Variants in ADGRE5 observed in about 807,000 individuals in gnomAD.
ADGRE5 encodes adhesion G protein-coupled receptor E5.
In ADGRE5, 72 loss-of-function variants were observed where a neutral mutation model predicts 100.3. That is an observed-to-expected ratio of 0.72 (90% confidence interval 0.59 to 0.87). ADGRE5 has a LOEUF of 0.87. Ranked by LOEUF, ADGRE5 falls within the 40% of genes least tolerant of loss-of-function variation. ADGRE5 has a pLI of 0.00. For synonymous variants in ADGRE5, 439 were observed against 447.8 expected (o/e 0.98, Z 0.25); for missense variants, 959 against 1,094.7 (o/e 0.88, Z 1.75).
chr19:14,407,229 G>C lies in ADGRE5; in HGVS notation c.2376G>C (p.Lys792Asn). The C allele has an allele frequency of 1.2e-6, 2 of 1,613,982 alleles. No individual in the cohort carries two copies. The highest frequency in any genetic ancestry group is 1.7e-6 in the Non-Finnish European group (2 of 1,179,984). ...TGCTGCACTGCCTGCTCAACAAGAA[G>C]GTGGGGGCCTGGGCACAGTGGCGCA... ...LYLLHCLLNKKVREEYRKWAC... is the reference protein window; with the variant it reads ...LYLLHCLLNKNVREEYRKWAC... The change falls in exon 18 of 20, where the codon AAG becomes AAC. Residue 792 changes from lysine (K) to asparagine (N), a missense_variant and splice_region_variant. Lys to Asn is a moderately conservative substitution (Grantham distance 94, BLOSUM62 0). Coordinates refer to ENST00000242786, the MANE Select transcript of ADGRE5 (RefSeq NM_078481.4).
chr19:14,407,296 G>T, intron 18 of ADGRE5, 67 bp downstream of exon 18: 2 of 1,571,620 alleles, frequency 1.3e-6, no homozygotes, highest in South Asian at 2.2e-5. Flanking sequence ...TGAGGTGGGA[G>T]GATTGCTTGA....
Position 14,406,860 on chromosome 19 carries a change from C to T in ADGRE5, c.2116-9C>T. ...TCGCCCTCTAACCCACAATCTGCTC[C>T]CTGCCCAGTGCAATGCTGTCATTTT... On this transcript the variant is annotated splice_polypyrimidine_tract_variant and intron_variant, in intron 16 of 19. Coordinates refer to ENST00000242786, the MANE Select transcript of ADGRE5 (RefSeq NM_078481.4). This position sits in a 1 kb window ranked among gnomAD's most constrained non-coding sequence, Gnocchi z 6.0. 6.2e-7 allele frequency: 1 copy of T among 1,613,904 alleles called. No individual in the cohort carries two copies. Among genetic ancestry groups the T allele is most frequent in the Non-Finnish European group, 8.5e-7 (1 of 1,179,742 alleles).
Position 14,407,046 on chromosome 19 carries a change from C to T in ADGRE5, c.2208-15C>T, listed in dbSNP as rs1280318773. The T allele has an allele frequency of 6.2e-6, 10 of 1,613,900 alleles. No individual in the cohort carries two copies. The highest frequency in any genetic ancestry group is 1.7e-5 in the Admixed American group (1 of 60,024). On this transcript the variant is annotated splice_polypyrimidine_tract_variant and intron_variant, in intron 17 of 19. Transcript: ENST00000242786. ...GGTGAGGTGGGGGCCCACGCTGCAA[C>T]CCCGCTCCTCGCAGGGCGCTGACCA... is the stretch of plus-strand genomic sequence containing the variant.
In ADGRE5 at chr19:14,402,445, AAAC is replaced by A. The variant is rs549378380; in HGVS notation, c.1184-149_1184-147del. 330 of 789,920 alleles carry A rather than the reference AAAC, an allele frequency of 4.2e-4. 1 individual carries two copies. The African/African-American group carries it at 5.2e-3, about 12-fold the overall frequency. 48.9% of individuals were successfully genotyped at this position (789,920 alleles called of 1,614,324 possible). A position where few individuals can be genotyped will look rare whatever the true frequency, so the allele number is the denominator to read the frequency against. On this transcript the variant is annotated intron_variant, in intron 11 of 19. Coordinates refer to ENST00000242786, the MANE Select transcript of ADGRE5 (RefSeq NM_078481.4). ...GCGAAACTCCGTCTCAAAAAAAAAA[AAAC>A]AAGGAACAACTAGAAACTGACTCAT... is the stretch of plus-strand genomic sequence containing the variant.
At chr19:14,407,302 C>T in intron 18 of ADGRE5, 73 bp downstream of exon 18, 1 of 1,553,402 alleles carries the variant, frequency 6.4e-7, no homozygotes, top group Non-Finnish European at 8.8e-7. Flanking sequence ...GGGAGGATTG[C>T]TTGAGCCCAG....
In ADGRE5 at chr19:14,406,569, G is replaced by A; in HGVS notation, c.2048+12G>A. The A allele has an allele frequency of 1.2e-6, 2 of 1,603,560 alleles. No individual in the cohort carries two copies. Among genetic ancestry groups the A allele is most frequent in the Non-Finnish European group, 1.7e-6 (2 of 1,175,018 alleles). ...GGCCGCCCCAGATAGTGAGTGCAGC[G>A]AGATGGGGCAGGAGGAAGGCGGGGT... On this transcript the variant is annotated intron_variant, in intron 15 of 19. Transcript: ENST00000242786. This position sits in a 1 kb window ranked among gnomAD's most constrained non-coding sequence, Gnocchi z 6.0.
intron 5 of ADGRE5, among the ~76,000 whole-genome samples, chr19:14,396,867 A>C (rs934443754): frequency 1.3e-5 from 2 of 152,118 alleles, no homozygotes; most frequent in Admixed American, 6.5e-5. Context: ...ACCTCCTATA[A>C]ACTGGGGACC....
Position 14,397,895 on chromosome 19 carries a change from C to G in ADGRE5, c.779C>G (p.Thr260Ser). The change falls in exon 8 of 20, where the codon ACT (threonine) becomes AGT (serine). Residue 260 changes from threonine (T) to serine (S), a missense_variant. By Grantham distance (58) the Thr-to-Ser change is moderately conservative. This residue lies in a region of ADGRE5 where 69 missense variants were observed against 135.0 expected (regional missense o/e 0.51). Transcript: ENST00000242786. ...CTTGTCTTGTTCCCTACAGATATGA[C>G]TTTCTCCACCTGGACCCCGCCCCCT... ...NQKDTVCEDM[T>S]FSTWTPPPGV... 1 of 1,135,366 alleles carries G rather than the reference C, an allele frequency of 8.8e-7. No individual in the cohort carries two copies. The highest frequency in any genetic ancestry group is 1.2e-6 in the Non-Finnish European group (1 of 819,460). The allele number at this position is 1,135,366 out of a possible 1,614,324, so 70.3% of individuals were successfully genotyped here. A position where few individuals can be genotyped will look rare whatever the true frequency, so the allele number is the denominator to read the frequency against.
Position 14,388,828 on chromosome 19 carries a change from C to T in ADGRE5, c.190+10C>T, listed in dbSNP as rs1239201246. 11 of 1,611,434 alleles carry T rather than the reference C, an allele frequency of 6.8e-6. No individual in the cohort carries two copies. The highest frequency in any genetic ancestry group is 8.5e-6 in the Non-Finnish European group (10 of 1,177,988). The stretch of plus-strand genomic sequence containing the variant: ...ACGGAGACTTGTGACGGTACAGAGG[C>T]TTGAGGGCAGCGCAGGGGACATCCG... On this transcript the variant is annotated intron_variant, in intron 3 of 19. Coordinates refer to ENST00000242786, the MANE Select transcript of ADGRE5 (RefSeq NM_078481.4).
chr19:14,408,446 C>T lies in ADGRE5; in HGVS notation c.*325C>T. The T allele has an allele frequency of 1.8e-6, 1 of 557,878 alleles. No individual in the cohort carries two copies. The highest frequency in any genetic ancestry group is 3.0e-5 in the East Asian group (1 of 33,802). 34.6% of individuals were successfully genotyped at this position (557,878 alleles called of 1,614,324 possible). A position where few individuals can be genotyped will look rare whatever the true frequency, so the allele number is the denominator to read the frequency against. ...CAGTACTCGGGACAGACTAAGGGCG[C>T]TTGTCCCATCCTGGACTTTTCCTCT... On this transcript the variant is annotated 3_prime_UTR_variant, in exon 20 of 20. Coordinates refer to ENST00000242786, the MANE Select transcript of ADGRE5 (RefSeq NM_078481.4).
At chr19:14,407,759 C>T (rs1436586901) in intron 18 of ADGRE5, 149 bp from the exon 19 acceptor site, 2 of 659,088 alleles carry the variant, frequency 3.0e-6, no homozygotes, top group Admixed American at 2.5e-5. Flanking sequence ...GGTGCCACTA[C>T]ACTCCAGCCT....
Position 14,404,865 on chromosome 19 carries a change from C to G in ADGRE5, c.1629+303C>G, listed in dbSNP as rs528466481. The G allele has an allele frequency of 3.4e-3, 1,067 of 317,728 alleles. 4 individuals are homozygous for G. The highest frequency in any genetic ancestry group is 4.5e-3 in the Non-Finnish European group (786 of 175,784). 19.7% of individuals were successfully genotyped at this position (317,728 alleles called of 1,614,324 possible). The stretch of plus-strand genomic sequence containing the variant: ...GCATTCCAAGGGGGCACCACTTGCC[C>G]GTTTTTTTTTTTTTTTGAGACGGAG... On this transcript the variant is annotated intron_variant, in intron 13 of 19. Coordinates refer to ENST00000242786, the MANE Select transcript of ADGRE5 (RefSeq NM_078481.4).
intron 1 of ADGRE5, among the ~76,000 whole-genome samples, chr19:14,382,352 G>T (rs373488998): frequency 1.3e-5 from 2 of 152,184 alleles, no homozygotes; most frequent in African/African-American, 4.8e-5. Flanking sequence ...TTTCTTGGGG[G>T]CACACTTGTT....
rs1192498649 is a variant in ADGRE5 at position 14,408,370 on chromosome 19, CA to C, written c.*250del. ...TCCACCTTGTGACCCAGGGTGGGGA[CA>C]GGGGCTGGCCCAGGGCTGCAATGCA... On this transcript the variant is annotated 3_prime_UTR_variant, in exon 20 of 20. Transcript: ENST00000242786. The C allele has an allele frequency of 3.3e-6, 2 of 613,208 alleles. No homozygotes were observed. The highest frequency in any genetic ancestry group is 5.4e-5 in the Admixed American group (2 of 36,818). 38.0% of individuals were successfully genotyped at this position (613,208 alleles called of 1,614,324 possible).
At chr19:14,393,486 C>G (rs775456543) in intron 4 of ADGRE5, among the ~76,000 whole-genome samples, 1 of 152,208 alleles carries the variant, frequency 6.6e-6, no homozygotes, top group Non-Finnish European at 1.5e-5. Flanking sequence ...TTCCAGGATT[C>G]ACAGGGGCAG....
intron 6 of ADGRE5, 50 bp downstream of exon 6, chr19:14,397,273 C>T: frequency 1.2e-6 from 2 of 1,612,138 alleles, no homozygotes; most frequent in Admixed American, 1.7e-5. Context: ...CATCTGATCA[C>T]ATGTTCAACG....
intron 4 of ADGRE5, among the ~76,000 whole-genome samples, chr19:14,394,414 CACT>C (rs954103672): frequency 6.6e-6 from 1 of 152,078 alleles, no homozygotes; most frequent in African/African-American, 2.4e-5. Context: ...CGGCTCCCTC[CACT>C]CCTCACCCCC....
chr19:14,383,794 A>G (rs1441752176), intron 1 of ADGRE5, among the ~76,000 whole-genome samples: 1 of 151,738 alleles, frequency 6.6e-6, no homozygotes, highest in African/African-American at 2.4e-5. Context: ...TCACGGTGGG[A>G]GTAGAGAACC....
At chr19:14,384,988 T>C (rs1429260479) in intron 1 of ADGRE5, among the ~76,000 whole-genome samples, 1 of 149,732 alleles carries the variant, frequency 6.7e-6, no homozygotes, top group Non-Finnish European at 1.5e-5. Flanking sequence ...TCTTTCTTTT[T>C]TTTTTTTTTG....
Sources: gnomAD v4.1 joint callset for allele counts (sites outside exome capture counted in the v4.1 genomes callset) on GRCh38, gnomAD v4.1.1 for gene constraint, gnomAD v4.1.1 regional missense constraint, Gnocchi (gnomAD v3.1) non-coding constraint, MANE v1.5 for transcripts, NCBI Gene and HGNC (gene_info 2026-07-23, HGNC 2026-07-21) for gene names.